The following HTT variants were observed in gnomAD, a reference collection of about 807,000 sequenced individuals.
HTT encodes the protein huntingtin, also known as huntington disease protein.
Under a neutral mutation model 362.3 loss-of-function variants are expected in HTT, and 104 were observed. The ratio of observed to expected loss-of-function variants is 0.29; its 90% CI spans 0.24 to 0.34. The LOEUF is 0.34. Among genes scored for constraint, HTT ranks in the 10% least tolerant of loss-of-function variants. HTT has a pLI of 1.00. For missense variants in HTT, 3,301 were observed against 3,928.6 expected (o/e 0.84, Z 4.27); for synonymous variants, 1,577 against 1,548.7 (o/e 1.02, Z -0.43).
chr4:3,174,908 A>G (rs776959987), intron 32 of HTT, 38 bp from the exon 33 acceptor site: 8 of 1,545,886 alleles, frequency 5.2e-6, no homozygotes, highest in Non-Finnish European at 7.1e-6. Flanking sequence ...TTGAAGGCTT[A>G]CTTATGGATT....
At chr4:3,118,568 G>A (rs1016535086) in intron 8 of HTT, among the ~76,000 whole-genome samples, 3 of 152,176 alleles carry the variant, frequency 2.0e-5, no homozygotes, top group African/African-American at 7.2e-5. Flanking sequence ...GTGTGGGTGC[G>A]TAGACAGAGC....
intron 52 of HTT, among the ~76,000 whole-genome samples, chr4:3,219,809 A>G (rs899954301): frequency 5.9e-5 from 9 of 152,210 alleles, no homozygotes; most frequent in East Asian, 1.9e-4. Context: ...CTGCTTGCCA[A>G]TAAACATATC....
intron 6 of HTT, among the ~76,000 whole-genome samples, chr4:3,108,773 C>T (rs1714568931): frequency 6.6e-6 from 1 of 152,136 alleles, no homozygotes. Context: ...GAGCCTGGTA[C>T]AGTGGCTTGT....
At chr4:3,121,996 A>C (rs1203189234) in intron 9 of HTT, among the ~76,000 whole-genome samples, 1 of 152,234 alleles carries the variant, frequency 6.6e-6, no homozygotes, top group Non-Finnish European at 1.5e-5. Flanking sequence ...TTAGGTGCTG[A>C]GAAATGAAAA....
intron 66 of HTT, 99 bp downstream of exon 66, chr4:3,239,077 C>G (rs1345321513): frequency 1.6e-6 from 2 of 1,242,926 alleles, no homozygotes; most frequent in East Asian, 2.6e-5. Context: ...TTGCAAAAAC[C>G]CCACAGATGC....
At chr4:3,233,476 C>G in intron 61 of HTT, 123 bp downstream of exon 61, 3 of 965,628 alleles carry the variant, frequency 3.1e-6, no homozygotes, top group African/African-American at 1.6e-5. Flanking sequence ...CAGTGGGAAC[C>G]CAGGTGGGTG....
intron 6 of HTT, among the ~76,000 whole-genome samples, chr4:3,114,426 C>A (rs1240123773): frequency 6.6e-6 from 1 of 152,244 alleles, no homozygotes; most frequent in African/African-American, 2.4e-5. Context: ...GTGTAAATTC[C>A]CTGGGAGGCG....
intron 42 of HTT, among the ~76,000 whole-genome samples, chr4:3,204,937 T>C (rs1719782578): frequency 6.6e-6 from 1 of 152,200 alleles, no homozygotes; most frequent in African/African-American, 2.4e-5. Flanking sequence ...GAGCTGTGAC[T>C]GTGTCACTGC....
intron 3 of HTT, among the ~76,000 whole-genome samples, chr4:3,101,711 G>A (rs1366371333): frequency 2.0e-5 from 3 of 152,334 alleles, no homozygotes; most frequent in South Asian, 4.1e-4. Context: ...TAGCCTGGCA[G>A]CATGCCTCCC....
intron 52 of HTT, among the ~76,000 whole-genome samples, chr4:3,219,566 C>T (rs899861389): frequency 9.9e-5 from 15 of 152,148 alleles, no homozygotes; most frequent in Non-Finnish European, 1.8e-4. Context: ...CATAGAGCCC[C>T]CTCTGCCTTT....
rs1313911638 is a variant in HTT, at chr4:3,235,745, G to A, written c.8752G>A (p.Ala2918Thr). The A allele has an allele frequency of 6.2e-7, 1 of 1,611,224 alleles. No individual in the cohort carries two copies. Among genetic ancestry groups the A allele is most frequent in the East Asian group, 2.2e-5 (1 of 44,888 alleles). Residue 2918 changes from alanine to threonine, a missense_variant, in exon 63 of 67, where the codon GCT becomes ACT. Ala to Thr is a moderately conservative substitution (Grantham distance 58, BLOSUM62 0). Around this residue, in one of 4 missense-constraint regions of HTT, gnomAD observed 753 missense variants for 1,021.3 expected, o/e 0.74. Transcript: ENST00000355072. ...GCACAGCCCGCACCGGGCCATGGCG[G>A]CTCTGGGCCTGATGCTCACCTGCAT... ...NVHSPHRAMA[A>T]LGLMLTCMYT...
chr4:3,215,477 T>TC (rs1035066242), intron 51 of HTT, among the ~76,000 whole-genome samples: 3 of 151,902 alleles, frequency 2.0e-5, no homozygotes, highest in Non-Finnish European at 2.9e-5. Context: ...AGCGCTCCCT[T>TC]CCCCCCGCAC....
rs117978493 is a variant in HTT at position 3,222,861 on chromosome 4, T to C, written c.7470+374T>C. Among the ~76,000 whole-genome samples the C allele has an allele frequency of 7.1e-4, 108 of 152,342 alleles. No individual in the cohort carries two copies. The East Asian group carries it at 0.019, about 26-fold the overall frequency. ...ACCTGGTTTCATTTTTCTAATGTCT[T>C]GCAGAGATTTTATCAGGCTTCTTGA... On this transcript the variant is annotated intron_variant, in intron 54 of 66. Transcript: ENST00000355072.
intron 2 of HTT, among the ~76,000 whole-genome samples, chr4:3,088,751 G>A (rs1251231326): frequency 1.3e-5 from 2 of 151,078 alleles, no homozygotes; most frequent in Admixed American, 6.6e-5. Context: ...TTTTTTTTTG[G>A]TGATCTGCTT....
intron 29 of HTT, among the ~76,000 whole-genome samples, chr4:3,163,671 T>C (rs1417442049): frequency 6.6e-6 from 1 of 152,224 alleles, no homozygotes; most frequent in African/African-American, 2.4e-5. Context: ...TGTCCAGGAA[T>C]TTATCCATTT....
At chr4:3,120,261 G>A (rs1215725062) in intron 8 of HTT, among the ~76,000 whole-genome samples, 2 of 152,132 alleles carry the variant, frequency 1.3e-5, no homozygotes, top group Non-Finnish European at 2.9e-5. Flanking sequence ...TAATTTTATG[G>A]TGTAAGTATA....
chr4:3,178,202 G>A (rs912586942), intron 34 of HTT, 96 bp from the exon 35 acceptor site: 2 of 937,906 alleles, frequency 2.1e-6, no homozygotes, highest in African/African-American at 1.6e-5. Context: ...ATGTGTGCTT[G>A]CTGTCAAGGT....
At chr4:3,194,104 G>A (rs1578577410) in intron 40 of HTT, among the ~76,000 whole-genome samples, 1 of 152,140 alleles carries the variant, frequency 6.6e-6, no homozygotes, top group African/African-American at 2.4e-5. Flanking sequence ...ATGTAAAATT[G>A]GTAATATGTA....
intron 5 of HTT, among the ~76,000 whole-genome samples, chr4:3,106,580 C>T (rs1027928065): frequency 1.3e-5 from 2 of 152,156 alleles, no homozygotes; most frequent in Admixed American, 1.3e-4. Flanking sequence ...TTCCCAGTGC[C>T]GTTTAGATAG....
Sources: gnomAD v4.1 joint callset for allele counts (sites outside exome capture counted in the v4.1 genomes callset) on GRCh38, gnomAD v4.1.1 for gene constraint, gnomAD v4.1.1 regional missense constraint, MANE v1.5 for transcripts, NCBI Gene and HGNC (gene_info 2026-07-23, HGNC 2026-07-21) for gene names.